Variants in PPFIBP2 observed in about 807,000 individuals in gnomAD.
PPFIBP2 encodes liprin-beta-2.
A neutral mutation model predicts 118.3 loss-of-function variants in PPFIBP2; 118 were observed. The observed-to-expected ratio is 1.00, with a 90% CI of 0.86 to 1.16. The LOEUF (loss-of-function observed/expected upper bound fraction) is 1.16. Ranked by LOEUF, PPFIBP2 falls within the 50% of genes most tolerant of loss-of-function variation. The probability of loss-of-function intolerance (pLI) is 0.00; values close to 1 mark genes in which losing one functional copy is unlikely to be tolerated. For missense variants in PPFIBP2, 1,195 were observed against 1,073.1 expected (o/e 1.11, Z -1.59); for synonymous variants, 414 against 397.4 (o/e 1.04, Z -0.50).
At chr11:7,606,605 T>C (rs1299724399) in intron 5 of PPFIBP2, among the ~76,000 whole-genome samples, 1 of 152,218 alleles carries the variant, frequency 6.6e-6, no homozygotes, top group Non-Finnish European at 1.5e-5. Context: ...CTAATTAAAA[T>C]GTTAGTGTGT....
chr11:7,623,805 A>G (rs1849638546), intron 7 of PPFIBP2, among the ~76,000 whole-genome samples: 1 of 152,386 alleles, frequency 6.6e-6, no homozygotes, highest in African/African-American at 2.4e-5. Flanking sequence ...ATATCTTTCA[A>G]GAATCATCTG....
intron 1 of PPFIBP2, among the ~76,000 whole-genome samples, chr11:7,521,655 C>T (rs2134258664): frequency 6.6e-6 from 1 of 151,876 alleles, no homozygotes; most frequent in East Asian, 2.0e-4. Context: ...TGTCCATATT[C>T]CTCCAAACTC....
chr11:7,650,407 G>C (rs1160120003), intron 21 of PPFIBP2, among the ~76,000 whole-genome samples: 1 of 152,170 alleles, frequency 6.6e-6, no homozygotes, highest in South Asian at 2.1e-4. Flanking sequence ...ACAGTGCTAC[G>C]TGAGAGCACT....
chr11:7,542,246 G>A (rs1851865914), intron 1 of PPFIBP2, among the ~76,000 whole-genome samples: 1 of 152,182 alleles, frequency 6.6e-6, no homozygotes, highest in Non-Finnish European at 1.5e-5. Context: ...CTGGTATGGG[G>A]ATTAAGTGAG....
chr11:7,584,842 G>T (rs1857845204), intron 3 of PPFIBP2, among the ~76,000 whole-genome samples: 1 of 152,200 alleles, frequency 6.6e-6, no homozygotes, highest in Admixed American at 6.5e-5. Flanking sequence ...TATAGCCTTA[G>T]TAACTTTGAT....
intron 7 of PPFIBP2, among the ~76,000 whole-genome samples, chr11:7,621,757 G>A (rs900449820): frequency 7.2e-5 from 11 of 152,336 alleles, no homozygotes; most frequent in South Asian, 2.1e-4. Context: ...AGTATGGGGA[G>A]GTGGGAGGCT....
At chr11:7,656,789 C>G (rs746346033), downstream of PPFIBP2, 18 of 1,289,740 alleles carry the variant, frequency 1.4e-5, no homozygotes, top group Non-Finnish European at 1.8e-5. Flanking sequence ...ACTCTGATGA[C>G]TGGAGATGAC....
intron 3 of PPFIBP2, among the ~76,000 whole-genome samples, chr11:7,566,668 A>G (rs1207506705): frequency 6.6e-6 from 1 of 152,192 alleles, no homozygotes; most frequent in Non-Finnish European, 1.5e-5. Context: ...GCACCTGGCC[A>G]GTATTTCACT....
intron 3 of PPFIBP2, among the ~76,000 whole-genome samples, chr11:7,591,836 T>G (rs1453754513): frequency 6.6e-6 from 1 of 152,316 alleles, no homozygotes; most frequent in Admixed American, 6.5e-5. Context: ...TGGTCCACAT[T>G]TCTGTTCTAG....
the PPFIBP2 span, chr11:7,665,380 G>A: frequency 1.3e-6 from 2 of 1,562,338 alleles, no homozygotes; most frequent in Non-Finnish European, 1.7e-6. Flanking sequence ...GGTGTTAGTA[G>A]GTGAAAATCA....
chr11:7,567,526 ATG>A (rs1252946034), intron 3 of PPFIBP2, among the ~76,000 whole-genome samples: 2 of 152,340 alleles, frequency 1.3e-5, no homozygotes, highest in East Asian at 1.9e-4. Context: ...TAACCTATGC[ATG>A]GCGAAGCAAG....
intron 1 of PPFIBP2, among the ~76,000 whole-genome samples, chr11:7,535,267 T>G (rs1452528771): frequency 6.6e-6 from 1 of 152,206 alleles, no homozygotes; most frequent in African/African-American, 2.4e-5. Context: ...AAAACTTGCC[T>G]GAGCATTGAA....
At chr11:7,605,709 T>C (rs940678383) in intron 5 of PPFIBP2, 91 of 1,334,452 alleles carry the variant, frequency 6.8e-5, no homozygotes, top group Non-Finnish European at 8.0e-5. Context: ...ACCAGGAAAA[T>C]AGAGTTACTA....
At chr11:7,665,850 C>T in the PPFIBP2 span, 7 of 1,535,726 alleles carry the variant, frequency 4.6e-6, no homozygotes, top group African/African-American at 9.6e-5. Flanking sequence ...TCAGTACAGC[C>T]AGCTGGAGTT....
intron 1 of PPFIBP2, among the ~76,000 whole-genome samples, chr11:7,540,631 T>G (rs146287427): frequency 1.5e-4 from 23 of 152,236 alleles, no homozygotes; most frequent in Non-Finnish European, 1.6e-4. Context: ...GGACAATGAA[T>G]TGGTTATTTT....
At chr11:7,523,569 T>C (rs568977656) in intron 1 of PPFIBP2, among the ~76,000 whole-genome samples, 44 of 152,262 alleles carry the variant, frequency 2.9e-4, no homozygotes, top group Admixed American at 7.8e-4. Flanking sequence ...TGCTCACCCA[T>C]GGTAAAGTGT....
the PPFIBP2 span, among the ~76,000 whole-genome samples, chr11:7,663,559 G>A: frequency 4.6e-5 from 7 of 152,226 alleles, no homozygotes; most frequent in Non-Finnish European, 7.3e-5. Context: ...AAAGCTGTCA[G>A]ACAGGGACAT....
chr11:7,632,908 A>G lies in PPFIBP2; in HGVS notation c.1110A>G (p.Pro370=), dbSNP rs768685594. ...GCTCTCCTACAGTGGGGCCACCTCC[A>G]TTGCCACAGAAATCACTGGAAACCA... ...RCSSPTVGPP[P]LPQKSLETRA... Residue 370 remains proline (P), a synonymous_variant, in exon 12 of 24, where the codon CCA becomes CCG. Transcript: ENST00000299492. 5 of 1,613,794 alleles carry G rather than the reference A, an allele frequency of 3.1e-6. No individual in the cohort carries two copies. The highest frequency in any genetic ancestry group is 1.3e-5 in the African/African-American group (1 of 74,934).
intron 5 of PPFIBP2, among the ~76,000 whole-genome samples, chr11:7,606,619 A>G (rs1847371389): frequency 1.3e-5 from 2 of 152,332 alleles, no homozygotes; most frequent in East Asian, 1.9e-4. Flanking sequence ...AGTGTGTCCA[A>G]TTGTGAATGT....
Sources: allele counts gnomAD v4.1 joint callset (sites outside exome capture counted in the v4.1 genomes callset), GRCh38; gene constraint gnomAD v4.1.1; transcripts MANE v1.5; gene names NCBI Gene and HGNC (gene_info 2026-07-23, HGNC 2026-07-21).